Variants in DNAJB14 observed in about 807,000 individuals in gnomAD.
DNAJB14 encodes the protein DnaJ heat shock protein family (Hsp40) member B14, also known as dnaJ homolog subfamily B member 14.
DNAJB14 carries 22 observed loss-of-function variants against 48.4 expected under a neutral mutation model. The observed-to-expected ratio is 0.45, with a 90% CI of 0.32 to 0.65. The LOEUF (loss-of-function observed/expected upper bound fraction) is 0.65. Among genes scored for constraint, DNAJB14 ranks in the 30% least tolerant of loss-of-function variants. DNAJB14 has a pLI of 0.03. For synonymous variants in DNAJB14, 142 were observed against 158.7 expected (o/e 0.89, Z 0.79); for missense variants, 319 against 458.8 (o/e 0.70, Z 2.78).
chr4:99,907,780 T>C (rs1008751302), intron 4 of DNAJB14, among the ~76,000 whole-genome samples: 1 of 152,090 alleles, frequency 6.6e-6, no homozygotes, highest in African/African-American at 2.4e-5. Context: ...TCTCTTAATG[T>C]TGAATGGGAT....
intron 2 of DNAJB14, 130 bp downstream of exon 2, chr4:99,930,320 G>C (rs1455612041): frequency 1.2e-6 from 1 of 866,824 alleles, no homozygotes; most frequent in East Asian, 2.7e-5. Flanking sequence ...TGAAGCATAA[G>C]ACACACCCAG....
At chr4:99,929,040 A>C (rs368322320) in intron 2 of DNAJB14, 4 of 152,842 alleles carry the variant, frequency 2.6e-5, no homozygotes, top group Admixed American at 2.0e-4. Flanking sequence ...TACCATTCAT[A>C]CTAATCAAAT....
At chr4:99,911,610 G>A (rs1725662827) in intron 3 of DNAJB14, among the ~76,000 whole-genome samples, 1 of 151,990 alleles carries the variant, frequency 6.6e-6, no homozygotes, top group Non-Finnish European at 1.5e-5. Context: ...TCCCATTTTG[G>A]TTTTACTTTG....
At chr4:99,946,391 C>T (rs769732703) in intron 1 of DNAJB14, 48 bp downstream of exon 1, 3 of 1,569,762 alleles carry the variant, frequency 1.9e-6, no homozygotes, top group African/African-American at 2.7e-5. Flanking sequence ...GCGGGCTACG[C>T]GGTGGTCTGG....
chr4:99,927,595 CTT>C (rs1726301760), intron 2 of DNAJB14: 1 of 152,122 alleles, frequency 6.6e-6, no homozygotes, highest in South Asian at 2.1e-4. Context: ...TCCATGACAA[CTT>C]TGTCTCAATT....
intron 1 of DNAJB14, among the ~76,000 whole-genome samples, chr4:99,942,993 A>G (rs1305234940): frequency 1.3e-5 from 2 of 152,168 alleles, no homozygotes; most frequent in Middle Eastern, 3.2e-3. Context: ...TCTATATGAA[A>G]TATTTTATCA....
At chr4:99,905,838 C>A (rs1578212966) in intron 5 of DNAJB14, 132 bp from the exon 6 acceptor site, 1 of 1,258,238 alleles carries the variant, frequency 7.9e-7, no homozygotes, top group Non-Finnish European at 1.1e-6. Context: ...ATCTGCGTAA[C>A]CATGCCAATA....
At chr4:99,946,149 TCTC>T (rs1263406514) in intron 1 of DNAJB14, among the ~76,000 whole-genome samples, 1 of 152,058 alleles carries the variant, frequency 6.6e-6, no homozygotes, top group African/African-American at 2.4e-5. Context: ...ACCAGACAAG[TCTC>T]CTCCAGGGAG....
intron 2 of DNAJB14, 57 bp downstream of exon 2, chr4:99,930,393 A>G (rs535369723): frequency 3.3e-6 from 5 of 1,493,098 alleles, no homozygotes; most frequent in Non-Finnish European, 2.7e-6. Context: ...GTGTTATAAC[A>G]TCAAAAAGTA....
intron 3 of DNAJB14, among the ~76,000 whole-genome samples, chr4:99,916,547 T>C (rs1283747464): frequency 6.6e-6 from 1 of 152,240 alleles, no homozygotes; most frequent in Admixed American, 6.5e-5. Context: ...CCTGCCATTT[T>C]ATTTTTTATT....
At chr4:99,922,926 G>A (rs1445964931) in intron 3 of DNAJB14, 114 bp downstream of exon 3, 1 of 1,173,032 alleles carries the variant, frequency 8.5e-7, no homozygotes, top group African/African-American at 1.6e-5. Flanking sequence ...CCAGACTCTT[G>A]CTTGTGCTGG....
At chr4:99,935,921 A>G (rs1207132345) in intron 1 of DNAJB14, among the ~76,000 whole-genome samples, 2 of 152,178 alleles carry the variant, frequency 1.3e-5, no homozygotes, top group African/African-American at 4.8e-5. Flanking sequence ...TACAAAAAGT[A>G]GCCAGGTGTG....
At chr4:99,927,911 A>C (rs535607912) in intron 2 of DNAJB14, 2 of 152,308 alleles carry the variant, frequency 1.3e-5, no homozygotes, top group African/African-American at 4.8e-5. Context: ...ACCCTCACTA[A>C]AGCAACACTT....
intron 2 of DNAJB14, chr4:99,925,710 A>G (rs1265396326): frequency 6.6e-6 from 1 of 152,200 alleles, no homozygotes; most frequent in Non-Finnish European, 1.5e-5. Context: ...AATTGGGAGA[A>G]AAACAAGCAA....
intron 3 of DNAJB14, among the ~76,000 whole-genome samples, chr4:99,916,503 A>G (rs1027578804): frequency 2.0e-5 from 3 of 152,214 alleles, no homozygotes; most frequent in Admixed American, 6.5e-5. Context: ...GGTCACTTAC[A>G]TGTAATGTAA....
chr4:99,924,979 A>AATGTT (rs1299936016), intron 2 of DNAJB14: 3 of 606,182 alleles, frequency 4.9e-6, no homozygotes, highest in African/African-American at 3.7e-5. Flanking sequence ...TTGCTGTAGA[A>AATGTT]ATGTTACTAT....
In DNAJB14 at chr4:99,900,683, A is replaced by C. The variant is rs1488188617; in HGVS notation, c.*345T>G. 7.6e-5 allele frequency: 13 copies of C among 170,924 alleles called. No homozygotes were observed. The allele number at this position is 170,924 out of a possible 1,614,324, so 10.6% of individuals were successfully genotyped here. A position where few individuals can be genotyped will look rare whatever the true frequency, so the allele number is the denominator to read the frequency against. On this transcript the variant is annotated 3_prime_UTR_variant, in exon 8 of 8. Coordinates refer to ENST00000442697, the MANE Select transcript of DNAJB14 (RefSeq NM_001031723.4). The stretch of plus-strand genomic sequence containing the variant: ...AAAGCAGTAACCTGTATGTACACAA[A>C]ATGATCATTCCATAAATATTTACAT...
Position 99,930,445 on chromosome 4 carries a change from C to A in DNAJB14, c.305+5G>T. ...GATTGAGATGTAAACCATATTTATT[C>A]CTACCTGAGAACTCCATCTACTTGG... On this transcript the variant is annotated splice_donor_5th_base_variant and intron_variant, in intron 2 of 7. Transcript: ENST00000442697. 1 of 1,584,302 alleles carries A rather than the reference C, an allele frequency of 6.3e-7. No homozygotes were observed. Among genetic ancestry groups the A allele is most frequent in the Non-Finnish European group, 8.6e-7 (1 of 1,166,434 alleles).
chr4:99,934,165 T>A (rs28404345), intron 1 of DNAJB14, among the ~76,000 whole-genome samples: 1 of 151,084 alleles, frequency 6.6e-6, no homozygotes, highest in Non-Finnish European at 1.5e-5. Context: ...ACAAAAAAAA[T>A]GAAAAGAGAA....
Sources: allele counts gnomAD v4.1 joint callset (sites outside exome capture counted in the v4.1 genomes callset), GRCh38; gene constraint gnomAD v4.1.1; transcripts MANE v1.5; gene names NCBI Gene and HGNC (gene_info 2026-07-23, HGNC 2026-07-21).